The following RNLS variants were observed in gnomAD, a reference collection of about 807,000 sequenced individuals.
RNLS encodes renalase.
Under a neutral mutation model 39.8 loss-of-function variants are expected in RNLS, and 39 were observed. That is an observed-to-expected ratio of 0.98 (90% confidence interval 0.76 to 1.28). The LOEUF (loss-of-function observed/expected upper bound fraction) is 1.28, where lower values mean the gene tolerates loss of function less well. Among genes scored for constraint, RNLS ranks in the 50% most tolerant of loss-of-function variants. The pLI is 0.00. For synonymous variants in RNLS, 147 were observed against 150.7 expected (o/e 0.98, Z 0.18); for missense variants, 410 against 413.3 (o/e 0.99, Z 0.07).
intron 4 of RNLS, among the ~76,000 whole-genome samples, chr10:88,499,573 T>C (rs1033498698): frequency 6.6e-6 from 1 of 152,140 alleles, no homozygotes; most frequent in African/African-American, 2.4e-5. Flanking sequence ...AGGCACAGGA[T>C]GCATTCTCCC....
At chr10:88,351,318 A>C (rs1400929515) in intron 5 of RNLS, among the ~76,000 whole-genome samples, 1 of 152,092 alleles carries the variant, frequency 6.6e-6, no homozygotes, top group African/African-American at 2.4e-5. Context: ...CCTATGTCCT[A>C]AATGGTAATG....
chr10:88,471,899 C>T (rs987754131), intron 4 of RNLS, among the ~76,000 whole-genome samples: 1 of 152,006 alleles, frequency 6.6e-6, no homozygotes, highest in African/African-American at 2.4e-5. Flanking sequence ...GCAATATAGG[C>T]CCCTTAACTG....
intron 4 of RNLS, among the ~76,000 whole-genome samples, chr10:88,422,558 G>T (rs1238121553): frequency 6.6e-6 from 1 of 151,992 alleles, no homozygotes; most frequent in East Asian, 1.9e-4. Flanking sequence ...GTTTCATTAG[G>T]GTCTTCTGTT....
At chr10:88,454,255 C>T (rs2133908180) in intron 4 of RNLS, among the ~76,000 whole-genome samples, 1 of 152,248 alleles carries the variant, frequency 6.6e-6, no homozygotes, top group East Asian at 1.9e-4. Flanking sequence ...TCAAATAAAA[C>T]AAATGACTAT....
chr10:88,515,336 T>G (rs1298590499), intron 4 of RNLS, among the ~76,000 whole-genome samples: 6 of 152,124 alleles, frequency 3.9e-5, no homozygotes, highest in Non-Finnish European at 8.8e-5. Context: ...CCTTCAAAAC[T>G]GCTTCACTTA....
intron 4 of RNLS, among the ~76,000 whole-genome samples, chr10:88,531,651 TATA>T (rs1847430790): frequency 6.6e-6 from 1 of 152,078 alleles, no homozygotes; most frequent in African/African-American, 2.4e-5. Context: ...GTAATTTTTA[TATA>T]ATGGCACATA....
intron 4 of RNLS, among the ~76,000 whole-genome samples, chr10:88,560,839 G>C (rs1245682032): frequency 3.3e-5 from 5 of 151,694 alleles, no homozygotes; most frequent in African/African-American, 1.2e-4. Flanking sequence ...CATCATGGAG[G>C]AACAGGCAAG....
chr10:88,194,210 T>C, the RNLS span, among the ~76,000 whole-genome samples: 1 of 152,198 alleles, frequency 6.6e-6, no homozygotes, highest in Non-Finnish European at 1.5e-5. Flanking sequence ...GGCTTTGTTG[T>C]GGAGGGGTGT....
At chr10:88,207,546 T>G in the RNLS span, among the ~76,000 whole-genome samples, 1 of 152,188 alleles carries the variant, frequency 6.6e-6, no homozygotes, top group Admixed American at 6.6e-5. Context: ...AGCAAGCATG[T>G]AGAGCAAATG....
chr10:88,287,867 C>T (rs974920291), intron 6 of RNLS, among the ~76,000 whole-genome samples: 5 of 151,974 alleles, frequency 3.3e-5, no homozygotes, highest in African/African-American at 1.2e-4. Context: ...CCTCCCTCAA[C>T]ACATGGGAAT....
At chr10:88,275,064 G>T in intron 6 of RNLS, 1 of 1,539,108 alleles carries the variant, frequency 6.5e-7, no homozygotes. Context: ...TTCAACCCCA[G>T]TGCCACCCAA....
chr10:88,255,098 TTC>T, the RNLS span, among the ~76,000 whole-genome samples: 2 of 152,196 alleles, frequency 1.3e-5, no homozygotes, highest in Non-Finnish European at 2.9e-5. Flanking sequence ...GGCCTACCCT[TTC>T]TCCAACAGCA....
At chr10:88,407,731 G>A (rs964850655) in intron 4 of RNLS, among the ~76,000 whole-genome samples, 1 of 152,048 alleles carries the variant, frequency 6.6e-6, no homozygotes, top group South Asian at 2.1e-4. Flanking sequence ...AATTGTCAGA[G>A]CTAAAAACAA....
chr10:88,284,901 A>C lies in RNLS; in HGVS notation c.*453T>G. The C allele has an allele frequency of 1.0e-6, 1 of 985,766 alleles. No individual in the cohort carries two copies. Among genetic ancestry groups the C allele is most frequent in the Non-Finnish European group, 1.2e-6 (1 of 830,188 alleles). The allele number at this position is 985,766 out of a possible 1,614,324, so 61.1% of individuals were successfully genotyped here. On this transcript the variant is annotated 3_prime_UTR_variant, in exon 7 of 7. Transcript: ENST00000331772. ...CACTCTGTTACCTACATTTTGGAAAAATCTTGTTTTGTATAATTTGCAAAA... is the reference window on the plus strand; with the variant it reads ...CACTCTGTTACCTACATTTTGGAAACATCTTGTTTTGTATAATTTGCAAAA...
At chr10:88,251,232 T>C in the RNLS span, among the ~76,000 whole-genome samples, 1 of 152,234 alleles carries the variant, frequency 6.6e-6, no homozygotes, top group East Asian at 1.9e-4. Context: ...AGCACTGCAC[T>C]AGAAGTCCAG....
rs1232577697 is a variant in RNLS at position 88,285,431 on chromosome 10, C to G, written c.952G>C (p.Gly318Arg). The G allele has an allele frequency of 3.1e-6, 5 of 1,613,144 alleles. No individual in the cohort carries two copies. The highest frequency in any genetic ancestry group is 4.2e-6 in the Non-Finnish European group (5 of 1,179,526). ...CCATCAAAGTTGGACTGAGTAAATC[C>G]ATCCCCTCCACATGCAAGGAAAGGT... ...HKPFLACGGD[G>R]FTQSNFDGCI... is the part of the protein sequence containing the mutation. The change falls in exon 7 of 7, where the codon GGA becomes CGA. Residue 318 changes from glycine (G) to arginine (R), a missense_variant. Transcript: ENST00000331772.
chr10:88,332,717 ACTAT>A (rs1247423536), intron 5 of RNLS, among the ~76,000 whole-genome samples: 3 of 152,206 alleles, frequency 2.0e-5, no homozygotes, highest in Admixed American at 2.0e-4. Context: ...TTACAGGTTA[ACTAT>A]CTATTTTAAA....
chr10:88,226,729 C>G, the RNLS span, among the ~76,000 whole-genome samples: 3 of 139,552 alleles, frequency 2.1e-5, no homozygotes, highest in African/African-American at 8.0e-5. Context: ...TAAAATTCTT[C>G]TCCCTTCACT....
chr10:88,465,329 A>G (rs1262762390), intron 4 of RNLS, among the ~76,000 whole-genome samples: 1 of 152,166 alleles, frequency 6.6e-6, no homozygotes, highest in African/African-American at 2.4e-5. Flanking sequence ...ATTGATTTAC[A>G]TAACAAATAA....
Sources: gnomAD v4.1 joint callset for allele counts (sites outside exome capture counted in the v4.1 genomes callset) on GRCh38, gnomAD v4.1.1 for gene constraint, MANE v1.5 for transcripts, NCBI Gene and HGNC (gene_info 2026-07-23, HGNC 2026-07-21) for gene names.